The following PAM variants were observed in gnomAD, a reference collection of about 807,000 sequenced individuals.
PAM encodes the protein peptidylglycine alpha-amidating monooxygenase.
Under a neutral mutation model 122.1 loss-of-function variants are expected in PAM, and 72 were observed. The ratio of observed to expected loss-of-function variants is 0.59; its 90% CI spans 0.49 to 0.72. The LOEUF is 0.72. Ranked by LOEUF, PAM falls within the 30% of genes least tolerant of loss-of-function variation. The pLI is 0.00. For synonymous variants in PAM, 389 were observed against 404.4 expected (o/e 0.96, Z 0.46); for missense variants, 1,106 against 1,183.7 (o/e 0.93, Z 0.96).
At chr5:102,896,200 G>A (rs1561800249) in intron 3 of PAM, among the ~76,000 whole-genome samples, 2 of 151,548 alleles carry the variant, frequency 1.3e-5, no homozygotes, top group Non-Finnish European at 3.0e-5. Flanking sequence ...TTCCCTCATC[G>A]TTTGCTCATA....
In PAM at chr5:103,006,907, C is replaced by T. The variant is rs1210060465; in HGVS notation, c.1910C>T (p.Ala637Val). Reference protein sequence around the residue: ...QNHFCQPTDVAVDPGTGAIYV... With the variant: ...QNHFCQPTDVVVDPGTGAIYV... Reference sequence around the variant, plus strand: ...CACTTCTGTCAACCCACTGATGTGGCTGTGGATCCAGGCACTGGAGCCATT... The same window carrying T: ...CACTTCTGTCAACCCACTGATGTGGTTGTGGATCCAGGCACTGGAGCCATT... Residue 637 changes from alanine to valine, a missense_variant, in exon 19 of 26, where the codon GCT (alanine) becomes GTT (valine). Ala to Val is a moderately conservative substitution (Grantham distance 64). This residue lies in a region of PAM where 103 missense variants were observed against 157.9 expected (regional missense o/e 0.65). Transcript: ENST00000438793. 1 of 1,613,608 alleles carries T rather than the reference C, an allele frequency of 6.2e-7. No homozygotes were observed. Among genetic ancestry groups the T allele is most frequent in the South Asian group, 1.1e-5 (1 of 91,076 alleles).
At position 102,839,788 on chromosome 5, in the gene PAM, AT is replaced by A. The variant is rs1041591892; in HGVS notation, c.-373-26029del. 9.7e-4 allele frequency among the ~76,000 whole-genome samples: 147 copies of A among 152,254 alleles called. 1 individual carries two copies. The highest frequency in any genetic ancestry group is 3.3e-3 in the African/African-American group (138 of 41,574). On this transcript the variant is annotated intron_variant, in intron 1 of 25. Transcript: ENST00000438793. ...TTAATAGATTAAAAGAGAAAAAATT[AT>A]TTTTTAATGGTTTTACCAAAAATAC... is the stretch of plus-strand genomic sequence containing the variant.
chr5:103,006,781 T>C lies in PAM; in HGVS notation c.1804-20T>C, dbSNP rs761594125. 7 of 1,576,292 alleles carry C rather than the reference T, an allele frequency of 4.4e-6. No homozygotes were observed. The Admixed American group carries it at 1.2e-4, about 27-fold the overall frequency. On this transcript the variant is annotated intron_variant, in intron 18 of 25. Transcript: ENST00000438793. ...AATAACCATGAAAAGTAGGTAAGGC[T>C]TTTGTTCCTTTTTAAAAAGGTGTTC...
At position 102,950,833 on chromosome 5, in the gene PAM, A is replaced by G; in HGVS notation, c.905+13A>G. The G allele has an allele frequency of 7.1e-7, 1 of 1,400,952 alleles. No homozygotes were observed. Among genetic ancestry groups the G allele is most frequent in the Non-Finnish European group, 1.0e-6 (1 of 989,024 alleles). The allele number at this position is 1,400,952 out of a possible 1,614,324, so 86.8% of individuals were successfully genotyped here. A position where few individuals can be genotyped will look rare whatever the true frequency, so the allele number is the denominator to read the frequency against. On this transcript the variant is annotated intron_variant, in intron 12 of 25. Coordinates refer to ENST00000438793, the MANE Select transcript of PAM (RefSeq NM_001177306.2). Reference sequence around the variant, plus strand: ...CCACACACATTGGGTATGATTCTATACATTCCACTATTTAAAGATATTTTA... The same window carrying G: ...CCACACACATTGGGTATGATTCTATGCATTCCACTATTTAAAGATATTTTA...
intron 1 of PAM, among the ~76,000 whole-genome samples, chr5:102,764,579 C>A (rs139889567): frequency 6.6e-6 from 1 of 152,098 alleles, no homozygotes; most frequent in African/African-American, 2.4e-5. Context: ...TCCAGAAATA[C>A]GGGGCGTGAG....
intron 9 of PAM, among the ~76,000 whole-genome samples, chr5:102,948,868 T>A (rs567455032): frequency 1.4e-4 from 22 of 152,082 alleles, no homozygotes; most frequent in Non-Finnish European, 2.2e-4. Flanking sequence ...GGCTTACTTC[T>A]CTACTTGCAA....
intron 3 of PAM, among the ~76,000 whole-genome samples, chr5:102,887,242 A>C (rs924767837): frequency 6.6e-6 from 1 of 151,934 alleles, no homozygotes; most frequent in Non-Finnish European, 1.5e-5. Context: ...GTGAGTGAGA[A>C]TGGATTAGTT....
In PAM at chr5:102,820,211, AGATTGT is replaced by A. The variant is rs1248079959; in HGVS notation, c.-373-45611_-373-45606del. Among the ~76,000 whole-genome samples the A allele has an allele frequency of 7.7e-3, 1,179 of 152,174 alleles. 16 individuals are homozygous for A. Among genetic ancestry groups the A allele is most frequent in the African/African-American group, 0.027 (1,114 of 41,510 alleles). On this transcript the variant is annotated intron_variant, in intron 1 of 25. Coordinates refer to ENST00000438793, the MANE Select transcript of PAM (RefSeq NM_001177306.2). ...CTGATGGGGCATTTTGTTTTTAGTG[AGATTGT>A]TAGAGATGATTTCAAATCAGGGTCC...
chr5:103,015,544 C>T (rs894598874), intron 21 of PAM, among the ~76,000 whole-genome samples: 8 of 152,136 alleles, frequency 5.3e-5, no homozygotes, highest in Non-Finnish European at 1.5e-5. Context: ...AATTTAACCA[C>T]ATAATTTTGT....
chr5:102,973,639 T>G (rs1766615783), intron 14 of PAM, among the ~76,000 whole-genome samples: 1 of 152,182 alleles, frequency 6.6e-6, no homozygotes, highest in Non-Finnish European at 1.5e-5. Flanking sequence ...CGTATTTACT[T>G]GTGTTTTACA....
At chr5:102,813,219 A>G (rs987780136) in intron 1 of PAM, among the ~76,000 whole-genome samples, 1 of 152,208 alleles carries the variant, frequency 6.6e-6, no homozygotes, top group Non-Finnish European at 1.5e-5. Context: ...TTTGAGAGAA[A>G]TCAGAGATAA....
At chr5:102,983,773 C>T (rs1049948153) in intron 15 of PAM, among the ~76,000 whole-genome samples, 2 of 152,102 alleles carry the variant, frequency 1.3e-5, no homozygotes, top group Admixed American at 6.5e-5. Context: ...AGACTAAATT[C>T]TAAAAACATC....
At chr5:102,824,016 T>C (rs1295345557) in intron 1 of PAM, among the ~76,000 whole-genome samples, 1 of 152,172 alleles carries the variant, frequency 6.6e-6, no homozygotes, top group Non-Finnish European at 1.5e-5. Flanking sequence ...TATTGTTGTT[T>C]TAAAGAGCAC....
Position 102,974,286 on chromosome 5 carries a change from G to C in PAM, c.1333G>C (p.Glu445Gln), listed in dbSNP as rs2150447084. 1 of 1,614,082 alleles carries C rather than the reference G, an allele frequency of 6.2e-7. No individual in the cohort carries two copies. Among genetic ancestry groups the C allele is most frequent in the Non-Finnish European group, 8.5e-7 (1 of 1,179,972 alleles). Residue 445 changes from glutamate to glutamine, a missense_variant, in exon 15 of 26, where the codon GAA (glutamate) becomes CAA (glutamine). Coordinates refer to ENST00000438793, the MANE Select transcript of PAM (RefSeq NM_001177306.2). ...TCGATCTGATGCCAGAGAGGGTGCA[G>C]AACATGAGAGGGGTAATGCTATTCT... is the stretch of plus-strand genomic sequence containing the variant. The part of the protein sequence containing the change: ...LGRSDAREGA[E>Q]HERGNAILVR...
At chr5:102,757,593 T>C (rs1250430352) in intron 1 of PAM, among the ~76,000 whole-genome samples, 1 of 152,220 alleles carries the variant, frequency 6.6e-6, no homozygotes, top group Non-Finnish European at 1.5e-5. Flanking sequence ...TATGTTGTGG[T>C]TCCCACATAC....
At chr5:102,950,937 C>T (rs1562006166) in intron 12 of PAM, 117 bp downstream of exon 12, 2 of 632,216 alleles carry the variant, frequency 3.2e-6, no homozygotes, top group East Asian at 5.3e-5. Flanking sequence ...TGGACAATTA[C>T]AACAAACTGT....
intron 1 of PAM, among the ~76,000 whole-genome samples, chr5:102,849,179 C>T (rs1780714700): frequency 6.6e-6 from 1 of 152,048 alleles, no homozygotes; most frequent in African/African-American, 2.4e-5. Flanking sequence ...CCCTATCCAC[C>T]CAAACACAAT....
chr5:102,924,556 C>T (rs1259696070), intron 5 of PAM, among the ~76,000 whole-genome samples: 2 of 151,824 alleles, frequency 1.3e-5, no homozygotes, highest in Admixed American at 6.6e-5. Context: ...CAACAGTGAT[C>T]GCCAAAGGGG....
chr5:102,764,267 AT>A, intron 1 of PAM, among the ~76,000 whole-genome samples: 1 of 150,886 alleles, frequency 6.6e-6, no homozygotes, highest in African/African-American at 2.4e-5. Context: ...AGTGTAACAT[AT>A]ATATTAAAAA....
Sources: gnomAD v4.1 joint callset for allele counts (sites outside exome capture counted in the v4.1 genomes callset) on GRCh38, gnomAD v4.1.1 for gene constraint, gnomAD v4.1.1 regional missense constraint, MANE v1.5 for transcripts, NCBI Gene and HGNC (gene_info 2026-07-23, HGNC 2026-07-21) for gene names.